LSM8: variants seen among roughly 807,000 people sequenced by gnomAD.
The protein encoded by LSM8 is LSM8 U6 small nuclear RNA associated.
In LSM8, 14 loss-of-function variants were observed where a neutral mutation model predicts 15.0. That is an observed-to-expected ratio of 0.93 (90% CI 0.62 to 1.46). LSM8 has a LOEUF of 1.46. Among genes scored for constraint, LSM8 ranks in the 40% most tolerant of loss-of-function variants. The pLI is 0.00. For synonymous variants in LSM8, 50 were observed against 42.1 expected, an observed-to-expected ratio of 1.19 and a Z score of -0.73; for missense variants, 90 against 115.4, an observed-to-expected ratio of 0.78 and a Z score of 1.01.
rs1482909743 is a variant in LSM8, at chr7:118,194,328, A to G, written c.*2326A>G. ...TTTCTTGGCAAGATATTTTCATTAA[A>G]GTTATTTGGAAAGGGCAATTAACTG... On this transcript the variant is annotated 3_prime_UTR_variant, in exon 4 of 4. Coordinates refer to ENST00000249299, the MANE Select transcript of LSM8 (RefSeq NM_016200.5). 7.3e-5 allele frequency among the ~76,000 whole-genome samples: 11 copies of G among 149,732 alleles called. No homozygotes were observed.
Position 118,192,079 on chromosome 7 carries a change from T to TA in LSM8, c.*78dup. The TA allele has an allele frequency of 9.5e-7, 1 of 1,057,040 alleles. No homozygotes were observed. The highest frequency in any genetic ancestry group is 1.4e-6 in the Non-Finnish European group (1 of 725,394). The allele number at this position is 1,057,040 out of a possible 1,614,324, so 65.5% of individuals were successfully genotyped here. Reference sequence around the variant, plus strand: ...TTCTGAGGATGATATATGGAGTTTTTATGAGTGTGTCACTGGATTTTGACT... The same window carrying TA: ...TTCTGAGGATGATATATGGAGTTTTTAATGAGTGTGTCACTGGATTTTGACT... On this transcript the variant is annotated 3_prime_UTR_variant, in exon 4 of 4. Transcript: ENST00000249299.
At chr7:118,187,188 A>G (rs1416072536) in intron 2 of LSM8, among the ~76,000 whole-genome samples, 1 of 151,226 alleles carries the variant, frequency 6.6e-6, no homozygotes, top group African/African-American at 2.4e-5. Context: ...TTCTCATTTT[A>G]TTTCATTCTC....
intron 2 of LSM8, 134 bp downstream of exon 2, chr7:118,185,828 T>C: frequency 1.3e-6 from 1 of 743,280 alleles, no homozygotes; most frequent in South Asian, 2.0e-5. Context: ...TTCAGCTCTT[T>C]ATCACTTTGC....
At position 118,203,401 on chromosome 7, in the gene LSM8, A is replaced by G. The variant is rs1809199152; in HGVS notation, c.*11399A>G. On this transcript the variant is annotated 3_prime_UTR_variant, in exon 4 of 4. Coordinates refer to ENST00000249299, the MANE Select transcript of LSM8 (RefSeq NM_016200.5). ...TTGCGGGGAGGTCCTAATATCCAAT[A>G]TTAATAGAGCTGTGATTATTCAAGC... 6.6e-6 allele frequency among the ~76,000 whole-genome samples: 1 copy of G among 151,888 alleles called. No homozygotes were observed. The highest frequency in any genetic ancestry group is 2.1e-4 in the South Asian group (1 of 4,830).
rs1225432961 is a variant in LSM8, at chr7:118,184,206, A to G, written c.-18A>G. 1 of 1,542,220 alleles carries G rather than the reference A, an allele frequency of 6.5e-7. No individual in the cohort carries two copies. The highest frequency in any genetic ancestry group is 2.0e-5 in the Admixed American group (1 of 50,402). ...TGTCGGCACCGCTGCGTTACCCGGAACCGCCGGGCCGAACAGCATGACGTC... is the reference window on the plus strand; with the variant it reads ...TGTCGGCACCGCTGCGTTACCCGGAGCCGCCGGGCCGAACAGCATGACGTC... On this transcript the variant is annotated 5_prime_UTR_variant, in exon 1 of 4. Transcript: ENST00000249299.
rs1454093267 is a variant in LSM8, at chr7:118,198,178, T to C, written c.*6176T>C. On this transcript the variant is annotated 3_prime_UTR_variant, in exon 4 of 4. Transcript: ENST00000249299. ...AAAAATTTGATCAAATTTTTAAAAG[T>C]AACACGAGGCAGAGAAAGTACAGAA... 6.6e-6 allele frequency among the ~76,000 whole-genome samples: 1 copy of C among 152,134 alleles called. No homozygotes were observed. The highest frequency in any genetic ancestry group is 2.4e-5 in the African/African-American group (1 of 41,430).
chr7:118,191,464 T>C (rs988053140), intron 3 of LSM8: 1 of 153,412 alleles, frequency 6.5e-6, no homozygotes, highest in Non-Finnish European at 1.5e-5. Flanking sequence ...GTCTATATCA[T>C]TGATTTAATT....
rs76071318 is a variant in LSM8, at chr7:118,188,149, G to A, written c.73-129G>A. The stretch of plus-strand genomic sequence containing the variant: ...TCGAATACTGTTGGTTATAAAAAAG[G>A]CATTTTATTTGCCGTCGTATAGGTA... On this transcript the variant is annotated intron_variant, in intron 2 of 3. Coordinates refer to ENST00000249299, the MANE Select transcript of LSM8 (RefSeq NM_016200.5). 4.7e-4 allele frequency: 474 copies of A among 1,013,722 alleles called. 6 individuals are homozygous for A. In the East Asian group the frequency reaches 0.011, roughly 24 times the overall value. 62.8% of individuals were successfully genotyped at this position (1,013,722 alleles called of 1,614,324 possible).
chr7:118,199,815 T>C lies in LSM8; in HGVS notation c.*7813T>C, dbSNP rs1301728310. Among the ~76,000 whole-genome samples, 1 of 152,120 alleles carries C rather than the reference T, an allele frequency of 6.6e-6. No individual in the cohort carries two copies. Among genetic ancestry groups the C allele is most frequent in the African/African-American group, 2.4e-5 (1 of 41,438 alleles). ...TGGTGAAGATATGTATTGGGTGATA[T>C]GAGAGCCCATAGGAGAGACATCTAA... On this transcript the variant is annotated 3_prime_UTR_variant, in exon 4 of 4. Coordinates refer to ENST00000249299, the MANE Select transcript of LSM8 (RefSeq NM_016200.5).
In LSM8 at chr7:118,198,315, A is replaced by T. The variant is rs1809113925; in HGVS notation, c.*6313A>T. ...AGAGATCTGAAATGAAGAATGGATA[A>T]GAGCTTGCATATTTAATTTTGTATA... On this transcript the variant is annotated 3_prime_UTR_variant, in exon 4 of 4. Transcript: ENST00000249299. 6.6e-6 allele frequency among the ~76,000 whole-genome samples: 1 copy of T among 152,206 alleles called. No homozygotes were observed. Among genetic ancestry groups the T allele is most frequent in the African/African-American group, 2.4e-5 (1 of 41,464 alleles).
In LSM8 at chr7:118,188,466, C is replaced by G; in HGVS notation, c.200+61C>G. On this transcript the variant is annotated intron_variant, in intron 3 of 3. Coordinates refer to ENST00000249299, the MANE Select transcript of LSM8 (RefSeq NM_016200.5). The stretch of plus-strand genomic sequence containing the variant: ...ACTGCCTTACTTTATGGAGAAGAGG[C>G]TTTCCCCAAAATACCCTACTGTATT... 4 of 1,481,572 alleles carry G rather than the reference C, an allele frequency of 2.7e-6. No individual in the cohort carries two copies. In the South Asian group the frequency reaches 4.9e-5, roughly 18 times the overall value. The allele number at this position is 1,481,572 out of a possible 1,614,324, so 91.8% of individuals were successfully genotyped here. A position where few individuals can be genotyped will look rare whatever the true frequency, so the allele number is the denominator to read the frequency against.
chr7:118,192,034 C>G lies in LSM8; in HGVS notation c.*32C>G. On this transcript the variant is annotated 3_prime_UTR_variant, in exon 4 of 4. Coordinates refer to ENST00000249299, the MANE Select transcript of LSM8 (RefSeq NM_016200.5). ...ACTACATACTTGGACATCTGTAAATCTTTGTACAGAAACTGATTATTCTGA... is the reference window on the plus strand; with the variant it reads ...ACTACATACTTGGACATCTGTAAATGTTTGTACAGAAACTGATTATTCTGA... 6.7e-7 allele frequency: 1 copy of G among 1,500,920 alleles called. No individual in the cohort carries two copies. The highest frequency in any genetic ancestry group is 9.2e-7 in the Non-Finnish European group (1 of 1,083,804). 93.0% of individuals were successfully genotyped at this position (1,500,920 alleles called of 1,614,324 possible).
Position 118,196,962 on chromosome 7 carries a change from C to T in LSM8, c.*4960C>T, listed in dbSNP as rs1809090525. On this transcript the variant is annotated 3_prime_UTR_variant, in exon 4 of 4. Coordinates refer to ENST00000249299, the MANE Select transcript of LSM8 (RefSeq NM_016200.5). ...CAGGATGGTCTTGATCTCCTGACCT[C>T]GTGATCTGCCCACTTCGGCGTCCCA... 6.6e-6 allele frequency among the ~76,000 whole-genome samples: 1 copy of T among 151,704 alleles called. No individual in the cohort carries two copies. Among genetic ancestry groups the T allele is most frequent in the Middle Eastern group, 3.4e-3 (1 of 292 alleles).
chr7:118,188,077 A>C (rs1808916091), intron 2 of LSM8, among the ~76,000 whole-genome samples: 1 of 152,180 alleles, frequency 6.6e-6, no homozygotes. Flanking sequence ...TGTGTGGTGC[A>C]GGTCCCCCCA....
chr7:118,197,197 T>G lies in LSM8; in HGVS notation c.*5195T>G, dbSNP rs538844016. ...GCATATATTTTGCTATTATGTAGGT[T>G]TTTTTTTTTTTTCCACATATACTGG... is the stretch of plus-strand genomic sequence containing the variant. On this transcript the variant is annotated 3_prime_UTR_variant, in exon 4 of 4. Transcript: ENST00000249299. Among the ~76,000 whole-genome samples, 4,054 of 28,420 alleles carry G rather than the reference T, an allele frequency of 0.14. 84 individuals are homozygous for G. Among genetic ancestry groups the G allele is most frequent in the South Asian group, 0.17 (68 of 392 alleles). The allele number at this position is 28,420 out of a possible 152,430, so 18.6% of individuals were successfully genotyped here. A position where few individuals can be genotyped will look rare whatever the true frequency, so the allele number is the denominator to read the frequency against.
Position 118,192,069 on chromosome 7 carries a change from A to G in LSM8, c.*67A>G. 2 of 1,276,552 alleles carry G rather than the reference A, an allele frequency of 1.6e-6. No individual in the cohort carries two copies. The highest frequency in any genetic ancestry group is 2.2e-6 in the Non-Finnish European group (2 of 910,512). 79.1% of individuals were successfully genotyped at this position (1,276,552 alleles called of 1,614,324 possible). On this transcript the variant is annotated 3_prime_UTR_variant, in exon 4 of 4. Transcript: ENST00000249299. ...AAACTGATTATTCTGAGGATGATAT[A>G]TGGAGTTTTTATGAGTGTGTCACTG... is the stretch of plus-strand genomic sequence containing the variant.
At chr7:118,188,926 C>T (rs1438566022) in intron 3 of LSM8, 1 of 152,376 alleles carries the variant, frequency 6.6e-6, no homozygotes, top group Non-Finnish European at 1.5e-5. Context: ...CATTGACACA[C>T]TTAAGATGTC....
Position 118,197,884 on chromosome 7 carries a change from TTAAGA to T in LSM8, c.*5887_*5891del, listed in dbSNP as rs1809107693. 6.6e-6 allele frequency among the ~76,000 whole-genome samples: 1 copy of T among 152,186 alleles called. No homozygotes were observed. The highest frequency in any genetic ancestry group is 2.4e-5 in the African/African-American group (1 of 41,438). On this transcript the variant is annotated 3_prime_UTR_variant, in exon 4 of 4. Coordinates refer to ENST00000249299, the MANE Select transcript of LSM8 (RefSeq NM_016200.5). ...TACCTGCTTCCTTGTACTGTCAAGATTAAGATAAGCAGTTAGCACTCCCTAGAACA... is the reference window on the plus strand; with the variant it reads ...TACCTGCTTCCTTGTACTGTCAAGATTAAGCAGTTAGCACTCCCTAGAACA...
At position 118,195,488 on chromosome 7, in the gene LSM8, CACTG is replaced by C. The variant is rs1312765659; in HGVS notation, c.*3490_*3493del. ...TTGTCAGCTTTTTAAGCGTCTGTCC[CACTG>C]ACTACCATATCTCTACAAGAGAATA... On this transcript the variant is annotated 3_prime_UTR_variant, in exon 4 of 4. Coordinates refer to ENST00000249299, the MANE Select transcript of LSM8 (RefSeq NM_016200.5). Among the ~76,000 whole-genome samples the C allele has an allele frequency of 1.3e-5, 2 of 152,148 alleles. No homozygotes were observed. The highest frequency in any genetic ancestry group is 4.8e-5 in the African/African-American group (2 of 41,440).
Sources: gnomAD v4.1 joint callset for allele counts (sites outside exome capture counted in the v4.1 genomes callset) on GRCh38, gnomAD v4.1.1 for gene constraint, MANE v1.5 for transcripts, NCBI Gene and HGNC (gene_info 2026-07-23, HGNC 2026-07-21) for gene names.